The following EIF3H variants were observed in gnomAD, a reference collection of about 807,000 sequenced individuals.
The protein encoded by EIF3H is eIF-3-gamma.
Under a neutral mutation model 44.2 loss-of-function variants are expected in EIF3H, and 26 were observed. That is an observed-to-expected ratio of 0.59 (90% CI 0.43 to 0.82). The LOEUF is 0.82. Ranked by LOEUF, EIF3H falls within the 40% of genes least tolerant of loss-of-function variation. The probability of loss-of-function intolerance (pLI) is 0.00; values close to 1 mark genes in which losing one functional copy is unlikely to be tolerated. For missense variants in EIF3H, 359 were observed against 432.8 expected, an observed-to-expected ratio of 0.83 and a Z score of 1.51; for synonymous variants, 166 against 151.9, an observed-to-expected ratio of 1.09 and a Z score of -0.68.
chr8:116,656,109 G>T, intron 4 of EIF3H, 104 bp from the exon 5 acceptor site: 14 of 1,003,688 alleles, frequency 1.4e-5, no homozygotes, highest in East Asian at 5.5e-5. Flanking sequence ...CAAGATCTTT[G>T]TTTCATTAGC....
At chr8:116,708,706 G>A (rs1380019839) in intron 2 of EIF3H, among the ~76,000 whole-genome samples, 1 of 152,000 alleles carries the variant, frequency 6.6e-6, no homozygotes, top group Non-Finnish European at 1.5e-5. Flanking sequence ...GAAACTGAGA[G>A]CAGTACTTTA....
intron 1 of EIF3H, among the ~76,000 whole-genome samples, chr8:116,727,332 A>AG (rs1290376669): frequency 1.3e-5 from 2 of 152,256 alleles, no homozygotes; most frequent in Non-Finnish European, 2.9e-5. Flanking sequence ...GTGCAAACAA[A>AG]GGGAAAAAGG....
chr8:116,746,379 T>G (rs978686164), intron 1 of EIF3H, among the ~76,000 whole-genome samples: 1 of 152,172 alleles, frequency 6.6e-6, no homozygotes, highest in Admixed American at 6.5e-5. Flanking sequence ...ATTGATAAAA[T>G]AGGGATAATG....
intron 2 of EIF3H, among the ~76,000 whole-genome samples, chr8:116,694,144 CTT>C (rs201448890): frequency 1.2e-3 from 169 of 144,740 alleles, no homozygotes; most frequent in African/African-American, 2.7e-3. Flanking sequence ...ATGAGCAAAC[CTT>C]TTTTTTTTTT....
chr8:116,688,392 T>C (rs536948786), intron 2 of EIF3H, among the ~76,000 whole-genome samples: 2 of 152,030 alleles, frequency 1.3e-5, no homozygotes, highest in South Asian at 4.2e-4. Context: ...CTATTGACAG[T>C]AGAATGAAAA....
chr8:116,728,436 T>G lies in EIF3H; in HGVS notation c.133-2264A>C, dbSNP rs552882345. ...TAAAAGTAGGTTTTTAAACCTAGTT[T>G]TTAAACCTGGGAGATGATTTTCATA... On this transcript the variant is annotated intron_variant, in intron 1 of 7. Transcript: ENST00000521861. Among the ~76,000 whole-genome samples, 3 of 152,256 alleles carry G rather than the reference T, an allele frequency of 2.0e-5. No individual in the cohort carries two copies. The South Asian group carries it at 6.2e-4, about 32-fold the overall frequency.
chr8:116,696,707 T>G (rs574038918), intron 2 of EIF3H, among the ~76,000 whole-genome samples: 27 of 152,234 alleles, frequency 1.8e-4, no homozygotes, highest in Non-Finnish European at 2.8e-4. Flanking sequence ...GGGGTTTTTT[T>G]TTGTTGTTGT....
At chr8:116,734,356 T>C (rs373280379) in intron 1 of EIF3H, 25 of 455,990 alleles carry the variant, frequency 5.5e-5, no homozygotes, top group African/African-American at 4.0e-4. Flanking sequence ...CTATGAAAAC[T>C]TGGGAGAAGA....
intron 2 of EIF3H, among the ~76,000 whole-genome samples, chr8:116,665,320 G>A (rs77472539): frequency 0.055 from 8,321 of 152,110 alleles, 765 homozygotes; most frequent in African/African-American, 0.19. Context: ...AAATACTACA[G>A]TTGATAATTA....
chr8:116,736,115 G>T (rs1259271023), intron 1 of EIF3H, among the ~76,000 whole-genome samples: 1 of 152,176 alleles, frequency 6.6e-6, no homozygotes, highest in African/African-American at 2.4e-5. Flanking sequence ...CAAAGTGAAA[G>T]AAGTTAAACA....
chr8:116,758,496 C>A (rs1267268708), upstream of EIF3H, among the ~76,000 whole-genome samples: 1 of 152,184 alleles, frequency 6.6e-6, no homozygotes, highest in African/African-American at 2.4e-5. Flanking sequence ...ACAATACCAT[C>A]AACCAACAGG....
chr8:116,714,060 C>T (rs1814619432), intron 2 of EIF3H, among the ~76,000 whole-genome samples: 1 of 152,086 alleles, frequency 6.6e-6, no homozygotes, highest in Admixed American at 6.6e-5. Context: ...AACAACTTCT[C>T]TACCTGGATA....
intron 1 of EIF3H, among the ~76,000 whole-genome samples, chr8:116,750,692 T>C (rs1815322241): frequency 6.6e-6 from 1 of 151,458 alleles, no homozygotes; most frequent in Non-Finnish European, 1.5e-5. Flanking sequence ...ATTACAGGCG[T>C]GAGCCACCAC....
chr8:116,656,121 C>T, intron 4 of EIF3H, 116 bp from the exon 5 acceptor site: 1 of 832,442 alleles, frequency 1.2e-6, no homozygotes. Context: ...TTCATTAGCA[C>T]TCTTAAAAAA....
At chr8:116,755,592 G>T in intron 1 of EIF3H, 74 bp downstream of exon 1, 1 of 1,595,500 alleles carries the variant, frequency 6.3e-7, no homozygotes, top group Non-Finnish European at 8.6e-7. Flanking sequence ...GAGAATGCTA[G>T]AAAGTACGTC....
At chr8:116,758,392 G>A (rs895926734), upstream of EIF3H, among the ~76,000 whole-genome samples, 12 of 152,054 alleles carry the variant, frequency 7.9e-5, no homozygotes, top group African/African-American at 2.7e-4. Flanking sequence ...GGAAAAAATG[G>A]GCAAATCCAT....
intron 2 of EIF3H, among the ~76,000 whole-genome samples, chr8:116,701,506 G>C (rs1814374769): frequency 6.6e-6 from 1 of 152,094 alleles, no homozygotes; most frequent in African/African-American, 2.4e-5. Flanking sequence ...CTAAGTAATA[G>C]AGTAGGGGAA....
At chr8:116,738,201 G>A (rs1348841575) in intron 1 of EIF3H, among the ~76,000 whole-genome samples, 1 of 152,146 alleles carries the variant, frequency 6.6e-6, no homozygotes, top group East Asian at 1.9e-4. Flanking sequence ...GATTTGCTAT[G>A]TGGAGTTTCA....
rs978448034 is a variant in EIF3H at position 116,711,374 on chromosome 8, A to T, written c.289+14642T>A. Among the ~76,000 whole-genome samples the T allele has an allele frequency of 4.6e-5, 7 of 152,182 alleles. 1 individual carries two copies. In the East Asian group the frequency reaches 1.3e-3, roughly 29 times the overall value. ...ATACAACTCCTCATCCTCTTCTAGTACTGAATCTTTTTAATGTTTTATTTT... is the reference window on the plus strand; with the variant it reads ...ATACAACTCCTCATCCTCTTCTAGTTCTGAATCTTTTTAATGTTTTATTTT... On this transcript the variant is annotated intron_variant, in intron 2 of 7. Coordinates refer to ENST00000521861, the MANE Select transcript of EIF3H (RefSeq NM_003756.3).
Sources: gnomAD v4.1 joint callset for allele counts (sites outside exome capture counted in the v4.1 genomes callset) on GRCh38, gnomAD v4.1.1 for gene constraint, MANE v1.5 for transcripts, NCBI Gene and HGNC (gene_info 2026-07-23, HGNC 2026-07-21) for gene names.